The following ZNF74 variants were observed in gnomAD, a reference collection of about 807,000 sequenced individuals.
ZNF74 encodes the protein zinc finger protein 74.
Under a neutral mutation model 17.7 loss-of-function variants are expected in ZNF74, and 12 were observed. That is an observed-to-expected ratio of 0.68 (90% confidence interval 0.43 to 1.10). The LOEUF (loss-of-function observed/expected upper bound fraction) is 1.10. Ranked by LOEUF, ZNF74 falls within the 50% of genes least tolerant of loss-of-function variation. The probability of loss-of-function intolerance (pLI) is 0.00; values close to 1 mark genes in which losing one functional copy is unlikely to be tolerated. For synonymous variants in ZNF74, 358 were observed against 362.1 expected (o/e 0.99, Z 0.13); for missense variants, 811 against 881.0 (o/e 0.92, Z 1.01).
rs776529587 is a variant in ZNF74 at position 20,406,257 on chromosome 22, G to T, written c.1224G>T (p.Lys408Asn). 7 of 1,609,864 alleles carry T rather than the reference G, an allele frequency of 4.3e-6. No homozygotes were observed. The highest frequency in any genetic ancestry group is 3.3e-5 in the Admixed American group (2 of 59,834). ...TCHSSLTVHE[K>N]IHSGDKPFKC... ...ACTCATCCCTCACCGTGCATGAGAA[G>T]ATCCACAGCGGGGACAAGCCGTTCA... Residue 408 changes from lysine to asparagine, a missense_variant, in exon 5 of 5, where the codon AAG becomes AAT. Transcript: ENST00000400451.
chr22:20,398,987 T>G (rs1254185580), intron 2 of ZNF74, among the ~76,000 whole-genome samples: 1 of 152,216 alleles, frequency 6.6e-6, no homozygotes, highest in Non-Finnish European at 1.5e-5. Context: ...CCAGATAACT[T>G]TCTATTATGG....
chr22:20,402,589 G>A (rs1397240375), intron 4 of ZNF74, among the ~76,000 whole-genome samples: 1 of 151,968 alleles, frequency 6.6e-6, no homozygotes, highest in East Asian at 1.9e-4. Flanking sequence ...ATCACCTGAG[G>A]TCAGGAGTTC....
chr22:20,396,591 G>A (rs1301228595), intron 2 of ZNF74, among the ~76,000 whole-genome samples: 4 of 152,098 alleles, frequency 2.6e-5, no homozygotes, highest in African/African-American at 9.7e-5. Context: ...GTGCATGTAT[G>A]TATGTCTGTA....
At position 20,406,529 on chromosome 22, in the gene ZNF74, C is replaced by G. The variant is rs986267035; in HGVS notation, c.1496C>G (p.Pro499Arg). The G allele has an allele frequency of 1.9e-6, 3 of 1,614,182 alleles. No individual in the cohort carries two copies. The highest frequency in any genetic ancestry group is 1.7e-6 in the Non-Finnish European group (2 of 1,180,020). ...VHRRIHTGEK[P>R]FDCSQCWKAF... ...CGGCGCATCCACACAGGCGAGAAGCCCTTCGACTGCAGCCAGTGTTGGAAG... is the reference window on the plus strand; with the variant it reads ...CGGCGCATCCACACAGGCGAGAAGCGCTTCGACTGCAGCCAGTGTTGGAAG... Residue 499 changes from proline to arginine, a missense_variant, in exon 5 of 5, where the codon CCC becomes CGC. This residue lies in a region of ZNF74 where 666 missense variants were observed against 702.3 expected (regional missense o/e 0.95). Transcript: ENST00000400451.
intron 4 of ZNF74, among the ~76,000 whole-genome samples, chr22:20,403,938 T>A (rs1053161079): frequency 3.3e-5 from 5 of 152,196 alleles, no homozygotes; most frequent in African/African-American, 1.2e-4. Flanking sequence ...TGTCTTGTCT[T>A]CATCTTACTG....
chr22:20,406,268 G>A lies in ZNF74; in HGVS notation c.1235G>A (p.Gly412Glu), dbSNP rs377239283. The A allele has an allele frequency of 5.6e-6, 9 of 1,611,564 alleles. No individual in the cohort carries two copies. The South Asian group carries it at 7.7e-5, about 14-fold the overall frequency. The part of the protein sequence containing the change: ...SLTVHEKIHS[G>E]DKPFKCSDCE... ...ACCGTGCATGAGAAGATCCACAGCG[G>A]GGACAAGCCGTTCAAGTGCAGCGAC... The change falls in exon 5 of 5, where the codon GGG becomes GAG. Residue 412 changes from glycine to glutamate, a missense_variant. By Grantham distance (98) the Gly-to-Glu change is moderately conservative. Transcript: ENST00000400451.
chr22:20,402,993 C>G (rs1166051052), intron 4 of ZNF74, among the ~76,000 whole-genome samples: 1 of 151,944 alleles, frequency 6.6e-6, no homozygotes, highest in African/African-American at 2.4e-5. Flanking sequence ...TAAATAAAGC[C>G]TTATGCACCC....
chr22:20,395,234 C>G, intron 1 of ZNF74, 99 bp from the exon 2 acceptor site: 1 of 871,060 alleles, frequency 1.1e-6, no homozygotes, highest in South Asian at 1.7e-5. Context: ...CTGGCAGGTT[C>G]TGCCTCCTCT....
intron 4 of ZNF74, among the ~76,000 whole-genome samples, chr22:20,404,711 C>G (rs117025585): frequency 6.6e-6 from 1 of 152,274 alleles, no homozygotes; most frequent in African/African-American, 2.4e-5. Flanking sequence ...GCATGCGTCT[C>G]GAGACAGAGA....
chr22:20,406,593 C>T lies in ZNF74; in HGVS notation c.1560C>T (p.Arg520=), dbSNP rs1160584910. The T allele has an allele frequency of 6.2e-7, 1 of 1,614,012 alleles. No homozygotes were observed. The highest frequency in any genetic ancestry group is 8.5e-7 in the Non-Finnish European group (1 of 1,180,010). ...SCHSSLIVHQ[R]IHTGEKPYKC... is the part of the protein sequence containing the mutation. ...ACTCGTCCCTCATCGTGCACCAGCG[C>T]ATCCACACCGGTGAGAAGCCCTACA... Residue 520 remains arginine (R), a synonymous_variant, in exon 5 of 5, where the codon CGC becomes CGT. Coordinates refer to ENST00000400451, the MANE Select transcript of ZNF74 (RefSeq NM_003426.4).
rs1051145037 is a variant in ZNF74, at chr22:20,407,517, C to A, written c.*549C>A. 6.4e-6 allele frequency: 1 copy of A among 155,916 alleles called. No homozygotes were observed. The highest frequency in any genetic ancestry group is 1.4e-5 in the Non-Finnish European group (1 of 70,432). The allele number at this position is 155,916 out of a possible 1,614,324, so 9.7% of individuals were successfully genotyped here. ...GGCTGCAGTGAGCCATGATTCACAG[C>A]ACTGCACTGCAGCCTGGGTGACAAA... On this transcript the variant is annotated 3_prime_UTR_variant, in exon 5 of 5. Coordinates refer to ENST00000400451, the MANE Select transcript of ZNF74 (RefSeq NM_003426.4).
chr22:20,407,175 G>C lies in ZNF74; in HGVS notation c.*207G>C. 2 of 711,568 alleles carry C rather than the reference G, an allele frequency of 2.8e-6. No individual in the cohort carries two copies. The highest frequency in any genetic ancestry group is 4.4e-6 in the Non-Finnish European group (2 of 451,322). The allele number at this position is 711,568 out of a possible 1,614,324, so 44.1% of individuals were successfully genotyped here. A position where few individuals can be genotyped will look rare whatever the true frequency, so the allele number is the denominator to read the frequency against. ...AGGGCCACACTCCAGGAGGAGTGTT[G>C]AGAGTCATTTGAGGTAGTCTTGCCA... is the stretch of plus-strand genomic sequence containing the variant. On this transcript the variant is annotated 3_prime_UTR_variant, in exon 5 of 5. Coordinates refer to ENST00000400451, the MANE Select transcript of ZNF74 (RefSeq NM_003426.4).
rs1177363586 is a variant in ZNF74, at chr22:20,405,616, G to A, written c.583G>A (p.Gly195Arg). 6.2e-6 allele frequency: 10 copies of A among 1,613,174 alleles called. No individual in the cohort carries two copies. The highest frequency in any genetic ancestry group is 5.1e-6 in the Non-Finnish European group (6 of 1,179,676). The change falls in exon 5 of 5, where the codon GGA becomes AGA. Residue 195 changes from glycine (G) to arginine (R), a missense_variant. Gly to Arg is a moderately radical substitution (Grantham distance 125). This residue lies in a region of ZNF74 where 666 missense variants were observed against 702.3 expected (regional missense o/e 0.95). Transcript: ENST00000400451. ...LFAQQRVPEG[G>R]PLLDTRKNVQ... Reference sequence around the variant, plus strand: ...CGCCCAGCAACGCGTTCCCGAGGGGGGACCCTTGCTGGACACACGCAAGAA... The same window carrying A: ...CGCCCAGCAACGCGTTCCCGAGGGGAGACCCTTGCTGGACACACGCAAGAA...
In ZNF74 at chr22:20,400,716, C is replaced by A. The variant is rs187166133; in HGVS notation, c.205C>A (p.Arg69=). ...AGACTCCCCTCAGAGGGCCTTGTAC[C>A]GGGATGTGATGTTGGAGAACTACCA... The part of the protein sequence containing the change: ...QLDSPQRALY[R]DVMLENYQNL... The change falls in exon 3 of 5, where the codon CGG becomes AGG. Residue 69 remains arginine, a synonymous_variant. Coordinates refer to ENST00000400451, the MANE Select transcript of ZNF74 (RefSeq NM_003426.4). The A allele has an allele frequency of 4.4e-5, 71 of 1,613,948 alleles. No homozygotes were observed. The highest frequency in any genetic ancestry group is 5.5e-5 in the Non-Finnish European group (65 of 1,180,000).
intron 4 of ZNF74, among the ~76,000 whole-genome samples, chr22:20,404,941 A>G (rs956691989): frequency 3.3e-5 from 5 of 152,176 alleles, no homozygotes; most frequent in Non-Finnish European, 7.4e-5. Flanking sequence ...CTCGGTCTCA[A>G]AACAAACAAA....
In ZNF74 at chr22:20,401,792, G is replaced by A. The variant is rs1801916576; in HGVS notation, c.343+420G>A. ...AGCGTCAGGGTCAGAGCCAGCATCA[G>A]TGTCAGGGCCAGCGTGAGCATCAGC... On this transcript the variant is annotated intron_variant, in intron 4 of 4. Transcript: ENST00000400451. The surrounding 1 kb of genome is among the most constrained non-coding windows in gnomAD (Gnocchi z 4.2). Among the ~76,000 whole-genome samples, 1 of 152,120 alleles carries A rather than the reference G, an allele frequency of 6.6e-6. No individual in the cohort carries two copies. Among genetic ancestry groups the A allele is most frequent in the Non-Finnish European group, 1.5e-5 (1 of 68,020 alleles).
chr22:20,402,778 G>A (rs531554775), intron 4 of ZNF74, among the ~76,000 whole-genome samples: 2 of 141,128 alleles, frequency 1.4e-5, no homozygotes, highest in Non-Finnish European at 3.0e-5. Context: ...TCCAGTCTGG[G>A]TAACAAGAGT....
chr22:20,394,988 A>G (rs2146087682), intron 1 of ZNF74: 1 of 435,608 alleles, frequency 2.3e-6, no homozygotes, highest in East Asian at 4.2e-5. Flanking sequence ...CTTAAGCTCA[A>G]GCGATCCGCC....
Position 20,405,470 on chromosome 22 carries a change from C to T in ZNF74, c.437C>T (p.Ala146Val), listed in dbSNP as rs1256181437. Residue 146 changes from alanine to valine, a missense_variant, in exon 5 of 5, where the codon GCG becomes GTG. Ala to Val is a moderately conservative substitution (Grantham distance 64, BLOSUM62 0). Transcript: ENST00000400451. Reference protein sequence around the residue: ...EPIMERPLGGAQAWGRQAGAL... With the variant: ...EPIMERPLGGVQAWGRQAGAL... ...ATCATGGAGCGGCCCCTCGGCGGGGCGCAGGCGTGGGGGCGCCAGGCAGGT... is the reference window on the plus strand; with the variant it reads ...ATCATGGAGCGGCCCCTCGGCGGGGTGCAGGCGTGGGGGCGCCAGGCAGGT... 3.1e-6 allele frequency: 5 copies of T among 1,611,196 alleles called. No homozygotes were observed. Among genetic ancestry groups the T allele is most frequent in the Admixed American group, 3.4e-5 (2 of 59,206 alleles).
Sources: gnomAD v4.1 joint callset for allele counts (sites outside exome capture counted in the v4.1 genomes callset) on GRCh38, gnomAD v4.1.1 for gene constraint, gnomAD v4.1.1 regional missense constraint, Gnocchi (gnomAD v3.1) non-coding constraint, MANE v1.5 for transcripts, NCBI Gene and HGNC (gene_info 2026-07-23, HGNC 2026-07-21) for gene names.